The following LRMDA variants were observed in gnomAD, a reference collection of about 807,000 sequenced individuals.
The protein encoded by LRMDA is leucine rich melanocyte differentiation associated.
Under a neutral mutation model 29.8 loss-of-function variants are expected in LRMDA, and 18 were observed. That is an observed-to-expected ratio of 0.60 (90% confidence interval 0.42 to 0.90). The LOEUF (loss-of-function observed/expected upper bound fraction) is 0.90, where lower values mean the gene tolerates loss of function less well. Ranked by LOEUF, LRMDA falls within the 40% of genes least tolerant of loss-of-function variation. The pLI is 0.00. For missense variants in LRMDA, 273 were observed against 273.9 expected (o/e 1.00, Z 0.02); for synonymous variants, 125 against 109.4 (o/e 1.14, Z -0.89).
intron 5 of LRMDA, among the ~76,000 whole-genome samples, chr10:76,148,289 G>GCCTAA (rs1194201725): frequency 6.6e-6 from 1 of 152,228 alleles, no homozygotes; most frequent in African/African-American, 2.4e-5. Context: ...CAGAGGTGGA[G>GCCTAA]CCTACAGAGG....
intron 2 of LRMDA, among the ~76,000 whole-genome samples, chr10:75,873,053 G>T (rs965776648): frequency 6.6e-6 from 1 of 152,010 alleles, no homozygotes; most frequent in African/African-American, 2.4e-5. Context: ...CACCTTAACT[G>T]GTGCCCCTGA....
At chr10:75,463,887 G>A (rs979466265) in intron 2 of LRMDA, among the ~76,000 whole-genome samples, 3 of 152,174 alleles carry the variant, frequency 2.0e-5, no homozygotes, top group African/African-American at 4.8e-5. Context: ...GGCTGATCTC[G>A]AACTCCTGAC....
At chr10:75,712,673 A>G (rs1480137127) in intron 2 of LRMDA, among the ~76,000 whole-genome samples, 1 of 152,170 alleles carries the variant, frequency 6.6e-6, no homozygotes, top group Non-Finnish European at 1.5e-5. Context: ...TCCCACAGCA[A>G]TTTACTTACT....
rs141422770 is a variant in LRMDA at position 76,225,696 on chromosome 10, T to TTTTA, written c.517-98682_517-98679dup. ...GAAATATCTGAGACTGGGTAATTTA[T>TTTTA]TTTATTTATTTATTTATTTATTTAT... On this transcript the variant is annotated intron_variant, in intron 5 of 6. Coordinates refer to ENST00000611255, the MANE Select transcript of LRMDA (RefSeq NM_001305581.2). 7.2e-3 allele frequency among the ~76,000 whole-genome samples: 1,049 copies of TTTTA among 144,980 alleles called. 9 individuals are homozygous for TTTTA. Among genetic ancestry groups the TTTTA allele is most frequent in the South Asian group, 0.013 (57 of 4,558 alleles).
chr10:75,583,998 C>T (rs888623059), intron 2 of LRMDA, among the ~76,000 whole-genome samples: 1 of 152,154 alleles, frequency 6.6e-6, no homozygotes, highest in African/African-American at 2.4e-5. Flanking sequence ...CCCATAGGGA[C>T]TGTCCTTCCT....
chr10:76,555,991 A>C (rs1023362171), intron 6 of LRMDA, among the ~76,000 whole-genome samples: 10 of 152,242 alleles, frequency 6.6e-5, no homozygotes, highest in Non-Finnish European at 1.3e-4. Flanking sequence ...AATTTAAAAT[A>C]GGTTTTTCTA....
chr10:75,712,446 T>TGGGGGGGGGGTG (rs1189542325), intron 2 of LRMDA, among the ~76,000 whole-genome samples: 3 of 53,958 alleles, frequency 5.6e-5, no homozygotes, highest in South Asian at 7.3e-4. Flanking sequence ...TGGGGGCGGT[T>TGGGGGGGGGGTG]GGGGGGGTGG....
At chr10:75,764,192 C>T (rs961977175) in intron 2 of LRMDA, among the ~76,000 whole-genome samples, 4 of 152,100 alleles carry the variant, frequency 2.6e-5, no homozygotes, top group African/African-American at 9.7e-5. Flanking sequence ...GGCTTCTCCC[C>T]GGCCCATCTA....
At chr10:75,985,349 C>T (rs533615705) in intron 2 of LRMDA, among the ~76,000 whole-genome samples, 1 of 152,294 alleles carries the variant, frequency 6.6e-6, no homozygotes, top group South Asian at 2.1e-4. Flanking sequence ...GTTCACATGT[C>T]TGAGAAACTG....
At chr10:76,066,899 A>G (rs1248372887) in intron 5 of LRMDA, among the ~76,000 whole-genome samples, 1 of 152,238 alleles carries the variant, frequency 6.6e-6, no homozygotes, top group Non-Finnish European at 1.5e-5. Flanking sequence ...AGGGAGCCTT[A>G]GAGCTCTGTG....
At chr10:76,168,640 A>T (rs12762087) in intron 5 of LRMDA, among the ~76,000 whole-genome samples, 24,574 of 151,912 alleles carry the variant, frequency 0.16, 2,729 homozygotes, top group East Asian at 0.52. Context: ...GGGGATGATG[A>T]GTAGATGAAA....
intron 5 of LRMDA, among the ~76,000 whole-genome samples, chr10:76,111,632 A>G (rs1849580305): frequency 1.3e-5 from 2 of 152,240 alleles, no homozygotes; most frequent in South Asian, 4.1e-4. Flanking sequence ...TTAGGCACCC[A>G]CTTTTGAAGA....
intron 2 of LRMDA, among the ~76,000 whole-genome samples, chr10:76,029,921 G>A (rs1848120937): frequency 6.6e-6 from 1 of 152,096 alleles, no homozygotes; most frequent in African/African-American, 2.4e-5. Flanking sequence ...TTAGCAATGA[G>A]GTCTCGCTCT....
chr10:76,159,227 G>A (rs1850598497), intron 5 of LRMDA, among the ~76,000 whole-genome samples: 1 of 152,092 alleles, frequency 6.6e-6, no homozygotes, highest in Non-Finnish European at 1.5e-5. Context: ...AGTTGTGCTT[G>A]GTGTATGGAC....
At chr10:76,550,408 G>A (rs1286397718) in intron 6 of LRMDA, among the ~76,000 whole-genome samples, 1 of 152,154 alleles carries the variant, frequency 6.6e-6, no homozygotes, top group Non-Finnish European at 1.5e-5. Context: ...CAGTGAAGGT[G>A]AAACAGGAAG....
chr10:76,513,181 A>G (rs896412258), intron 6 of LRMDA, among the ~76,000 whole-genome samples: 1 of 152,208 alleles, frequency 6.6e-6, no homozygotes, highest in Non-Finnish European at 1.5e-5. Flanking sequence ...ATCCCCAAAC[A>G]TAACTGTAAT....
At chr10:76,491,443 T>C (rs747410230) in intron 6 of LRMDA, among the ~76,000 whole-genome samples, 4 of 152,056 alleles carry the variant, frequency 2.6e-5, no homozygotes, top group Non-Finnish European at 5.9e-5. Flanking sequence ...TTTCACCAGA[T>C]AAGCTATTCT....
At chr10:75,742,060 G>A (rs1842836489) in intron 2 of LRMDA, among the ~76,000 whole-genome samples, 1 of 152,182 alleles carries the variant, frequency 6.6e-6, no homozygotes, top group South Asian at 2.1e-4. Flanking sequence ...GCAGAACCAC[G>A]AAAAATACGT....
At chr10:76,418,870 TC>T (rs1300225882) in intron 6 of LRMDA, among the ~76,000 whole-genome samples, 2 of 152,096 alleles carry the variant, frequency 1.3e-5, no homozygotes, top group Non-Finnish European at 2.9e-5. Context: ...CATTTGCTTT[TC>T]TCCTTTATTA....
Sources: allele counts gnomAD v4.1 joint callset (sites outside exome capture counted in the v4.1 genomes callset), GRCh38; gene constraint gnomAD v4.1.1; transcripts MANE v1.5; gene names NCBI Gene and HGNC (gene_info 2026-07-23, HGNC 2026-07-21).